Variants in DCK observed in about 807,000 individuals in gnomAD.
DCK encodes the protein deoxyadenosine kinase.
Under a neutral mutation model 38.3 loss-of-function variants are expected in DCK, and 23 were observed. That is an observed-to-expected ratio of 0.60 (90% CI 0.43 to 0.85). DCK has a LOEUF of 0.85. Among genes scored for constraint, DCK ranks in the 40% least tolerant of loss-of-function variants. The pLI, the probability that DCK is intolerant of heterozygous loss-of-function variation, is 0.00. For synonymous variants in DCK, 108 were observed against 100.6 expected (o/e 1.07, Z -0.44); for missense variants, 259 against 304.4 (o/e 0.85, Z 1.11).
intron 1 of DCK, among the ~76,000 whole-genome samples, chr4:70,995,092 G>C (rs1739632597): frequency 6.6e-6 from 1 of 152,152 alleles, no homozygotes; most frequent in Non-Finnish European, 1.5e-5. Context: ...CAAATGAATA[G>C]AAAAACTGCA....
rs1740669265 is a variant in DCK, at chr4:71,030,661, G to A, written c.*1283G>A. On this transcript the variant is annotated 3_prime_UTR_variant, in exon 7 of 7. Transcript: ENST00000286648. The stretch of plus-strand genomic sequence containing the variant: ...AGTATAAACCTTATGAACTACAGTG[G>A]AGCTACACTCATTGAAATGTAATTT... 1 of 151,806 alleles carries A rather than the reference G, an allele frequency of 6.6e-6. No homozygotes were observed. Among genetic ancestry groups the A allele is most frequent in the Non-Finnish European group, 1.5e-5 (1 of 67,928 alleles). 9.4% of individuals were successfully genotyped at this position (151,806 alleles called of 1,614,324 possible).
At chr4:71,023,069 A>G (rs916980263) in intron 3 of DCK, among the ~76,000 whole-genome samples, 1 of 152,182 alleles carries the variant, frequency 6.6e-6, no homozygotes, top group Non-Finnish European at 1.5e-5. Context: ...GATACTTAAC[A>G]TTACTAGAAA....
intron 2 of DCK, among the ~76,000 whole-genome samples, chr4:71,003,656 T>C (rs1739867903): frequency 6.6e-6 from 1 of 152,238 alleles, no homozygotes; most frequent in Non-Finnish European, 1.5e-5. Flanking sequence ...TTGTTCCTTT[T>C]CATTCTGTTT....
At chr4:70,994,483 T>C (rs1739614720) in intron 1 of DCK, among the ~76,000 whole-genome samples, 1 of 152,240 alleles carries the variant, frequency 6.6e-6, no homozygotes. Context: ...TCATAGGCTA[T>C]ATCGCCTTTT....
At chr4:71,016,336 A>G (rs1458909484) in intron 2 of DCK, among the ~76,000 whole-genome samples, 2 of 152,234 alleles carry the variant, frequency 1.3e-5, no homozygotes, top group African/African-American at 4.8e-5. Context: ...AAGAATCAAT[A>G]TCGTGAAAAT....
At chr4:71,025,965 A>G (rs887133186) in intron 5 of DCK, 34 bp downstream of exon 5, 7 of 1,529,944 alleles carry the variant, frequency 4.6e-6, no homozygotes, top group Non-Finnish European at 5.2e-6. Context: ...TTCATTTTAA[A>G]TACCTTTGTT....
Position 71,029,375 on chromosome 4 carries a change from G to C in DCK, c.780G>C (p.Leu260Phe). 1 of 1,608,044 alleles carries C rather than the reference G, an allele frequency of 6.2e-7. No individual in the cohort carries two copies. The highest frequency in any genetic ancestry group is 1.1e-5 in the South Asian group (1 of 90,276). ...VEKVKEFLST[L>F] ...AGGTCAAAGAGTTTTTGAGTACTTTGTGATCTTGCTGAAGACTACAGGCAG... is the reference window on the plus strand; with the variant it reads ...AGGTCAAAGAGTTTTTGAGTACTTTCTGATCTTGCTGAAGACTACAGGCAG... The change falls in exon 7 of 7, where the codon TTG (leucine) becomes TTC (phenylalanine). Residue 260 changes from leucine to phenylalanine, a missense_variant. Physicochemically the swap from Leu to Phe is conservative, Grantham distance 22. Transcript: ENST00000286648.
At chr4:71,002,304 T>C (rs897326363) in intron 2 of DCK, among the ~76,000 whole-genome samples, 1 of 152,262 alleles carries the variant, frequency 6.6e-6, no homozygotes, top group Non-Finnish European at 1.5e-5. Flanking sequence ...TCCTGAGTTC[T>C]AATTTGATTG....
At chr4:71,004,737 C>T (rs1015420064) in intron 2 of DCK, among the ~76,000 whole-genome samples, 1 of 152,214 alleles carries the variant, frequency 6.6e-6, no homozygotes, top group African/African-American at 2.4e-5. Flanking sequence ...CTTGAACTTC[C>T]AGGTGGTTTT....
chr4:71,022,724 G>A (rs1740460819), intron 3 of DCK, among the ~76,000 whole-genome samples, 164 bp downstream of exon 3: 1 of 152,014 alleles, frequency 6.6e-6, no homozygotes, highest in South Asian at 2.1e-4. Context: ...GGTACTAATG[G>A]CATTAGGGAA....
chr4:71,029,555 CTTTTG>C lies in DCK; in HGVS notation c.*182_*186del, dbSNP rs1477225515. On this transcript the variant is annotated 3_prime_UTR_variant, in exon 7 of 7. Coordinates refer to ENST00000286648, the MANE Select transcript of DCK (RefSeq NM_000788.3). ...CAAAACTTTTTGACCAGTTTCTTTT[CTTTTG>C]TTTTTTTTTTAAAAAAGACATTTAA... The C allele has an allele frequency of 1.6e-5, 9 of 554,868 alleles. No individual in the cohort carries two copies. The highest frequency in any genetic ancestry group is 1.6e-4 in the South Asian group (6 of 38,496). The allele number at this position is 554,868 out of a possible 1,614,324, so 34.4% of individuals were successfully genotyped here. A position where few individuals can be genotyped will look rare whatever the true frequency, so the allele number is the denominator to read the frequency against.
At chr4:71,027,454 G>A (rs1740571209) in intron 6 of DCK, among the ~76,000 whole-genome samples, 2 of 152,188 alleles carry the variant, frequency 1.3e-5, no homozygotes, top group Non-Finnish European at 2.9e-5. Context: ...ATTTATTGAT[G>A]AATATTTGAG....
At chr4:71,016,466 G>A (rs1025673558) in intron 2 of DCK, among the ~76,000 whole-genome samples, 21 of 152,212 alleles carry the variant, frequency 1.4e-4, no homozygotes, top group East Asian at 7.7e-4. Context: ...AAAAGAGCCC[G>A]CATTGCCAGG....
At chr4:71,022,325 C>T in intron 2 of DCK, 42 bp from the exon 3 acceptor site, 21 of 1,146,114 alleles carry the variant, frequency 1.8e-5, no homozygotes, top group South Asian at 1.5e-4. Context: ...CCCTATTGAC[C>T]ATTAATTTTG....
intron 6 of DCK, among the ~76,000 whole-genome samples, chr4:71,028,005 G>T (rs1350212914): frequency 6.6e-6 from 1 of 152,096 alleles, no homozygotes; most frequent in Admixed American, 6.5e-5. Flanking sequence ...TGTTTCTTGA[G>T]AATTATTGAG....
chr4:71,017,078 A>G (rs1740289555), intron 2 of DCK, among the ~76,000 whole-genome samples: 1 of 152,210 alleles, frequency 6.6e-6, no homozygotes, highest in African/African-American at 2.4e-5. Flanking sequence ...AACTCAAACA[A>G]ATTTACAAGA....
At chr4:70,995,667 A>G (rs770915318) in intron 1 of DCK, among the ~76,000 whole-genome samples, 86 of 152,154 alleles carry the variant, frequency 5.7e-4, no homozygotes, top group Non-Finnish European at 4.0e-4. Flanking sequence ...TCTCCAATCC[A>G]GTTAGGTAGC....
At chr4:71,029,304 C>T in intron 6 of DCK, 48 bp from the exon 7 acceptor site, 1 of 1,333,240 alleles carries the variant, frequency 7.5e-7, no homozygotes, top group Non-Finnish European at 1.1e-6. Context: ...TTAGATACCT[C>T]AAATTAGTCA....
intron 2 of DCK, among the ~76,000 whole-genome samples, chr4:71,015,257 C>T (rs531224989): frequency 8.5e-5 from 13 of 152,294 alleles, no homozygotes; most frequent in African/African-American, 2.9e-4. Context: ...CCTGATTAAA[C>T]CCATAACAAG....
Sources: allele counts gnomAD v4.1 joint callset (sites outside exome capture counted in the v4.1 genomes callset), GRCh38; gene constraint gnomAD v4.1.1; transcripts MANE v1.5; gene names NCBI Gene and HGNC (gene_info 2026-07-23, HGNC 2026-07-21).